The following GSDME variants were observed in gnomAD, a reference collection of about 807,000 sequenced individuals.
GSDME encodes gasdermin E, also known as gasdermin-E.
GSDME carries 44 observed loss-of-function variants against 47.5 expected under a neutral mutation model. The observed-to-expected ratio is 0.93, with a 90% CI of 0.73 to 1.19. The LOEUF is 1.19. Among genes scored for constraint, GSDME ranks in the 50% most tolerant of loss-of-function variants. GSDME has a pLI of 0.00. For missense variants in GSDME, 663 were observed against 604.2 expected (o/e 1.10, Z -1.02); for synonymous variants, 258 against 252.8 (o/e 1.02, Z -0.20).
In GSDME at chr7:24,745,445, C is replaced by T. The variant is rs564770835; in HGVS notation, c.212-691G>A. ...TATGATTCTCTCTCTGACCTCTACC[C>T]AGTCATTCAATTCCTCATCATATAA... On this transcript the variant is annotated intron_variant, in intron 2 of 9. Transcript: ENST00000645220. This position sits in a 1 kb window ranked among gnomAD's most constrained non-coding sequence, Gnocchi z 4.4. Among the ~76,000 whole-genome samples the T allele has an allele frequency of 6.6e-6, 1 of 152,328 alleles. No homozygotes were observed. The highest frequency in any genetic ancestry group is 1.9e-4 in the East Asian group (1 of 5,188).
At chr7:24,787,516 T>C in the GSDME span, among the ~76,000 whole-genome samples, 8 of 152,292 alleles carry the variant, frequency 5.3e-5, no homozygotes, top group South Asian at 1.7e-3. This position sits in a 1 kb window ranked among gnomAD's most constrained non-coding sequence, Gnocchi z 5.0. Flanking sequence ...GTGTGTAACT[T>C]ACCACCAGGA....
chr7:24,731,592 T>A (rs937150562), intron 3 of GSDME, among the ~76,000 whole-genome samples: 1 of 152,242 alleles, frequency 6.6e-6, no homozygotes, highest in Non-Finnish European at 1.5e-5. Context: ...CCCCGGGAGC[T>A]CTGGCGCTTG....
Position 24,735,968 on chromosome 7 carries a change from G to A in GSDME, c.404+8594C>T, listed in dbSNP as rs574768548. ...AAGTTGTTATCAGCTTAAAATAATG[G>A]GTTACAATAATGGGATGGTATTTGC... is the stretch of plus-strand genomic sequence containing the variant. On this transcript the variant is annotated intron_variant, in intron 3 of 9. Coordinates refer to ENST00000645220, the MANE Select transcript of GSDME (RefSeq NM_001127453.2). The surrounding 1 kb of genome is among the most constrained non-coding windows in gnomAD (Gnocchi z 4.4). Among the ~76,000 whole-genome samples, 2 of 151,850 alleles carry A rather than the reference G, an allele frequency of 1.3e-5. No individual in the cohort carries two copies. The highest frequency in any genetic ancestry group is 6.6e-5 in the Admixed American group (1 of 15,252).
chr7:24,755,600 T>C (rs887215875), intron 1 of GSDME, among the ~76,000 whole-genome samples: 1 of 152,208 alleles, frequency 6.6e-6, no homozygotes, highest in Non-Finnish European at 1.5e-5. Flanking sequence ...GAACTGACAG[T>C]GTGTTCCTGG....
the GSDME span, among the ~76,000 whole-genome samples, chr7:24,790,729 G>T: frequency 6.6e-6 from 1 of 152,168 alleles, no homozygotes; most frequent in South Asian, 2.1e-4. This position sits in a 1 kb window ranked among gnomAD's most constrained non-coding sequence, Gnocchi z 4.1. Context: ...GGCTCAGATG[G>T]GTTATAACAC....
the GSDME span, among the ~76,000 whole-genome samples, chr7:24,779,040 G>A: frequency 1.3e-5 from 2 of 152,286 alleles, no homozygotes; most frequent in South Asian, 2.1e-4. This position sits in a 1 kb window ranked among gnomAD's most constrained non-coding sequence, Gnocchi z 6.0. Context: ...TCAGCTGAGT[G>A]GACTGGAGCT....
intron 1 of GSDME, among the ~76,000 whole-genome samples, chr7:24,751,251 A>C (rs992232941): frequency 2.0e-5 from 3 of 152,150 alleles, no homozygotes; most frequent in Non-Finnish European, 4.4e-5. Flanking sequence ...CCCAATATAT[A>C]TATACACGCA....
the GSDME span, among the ~76,000 whole-genome samples, chr7:24,792,043 C>T: frequency 1.3e-5 from 2 of 152,184 alleles, no homozygotes; most frequent in African/African-American, 2.4e-5. Context: ...CATGCCTGGT[C>T]GACTGGAGGA....
At chr7:24,765,137 G>A in the GSDME span, among the ~76,000 whole-genome samples, 19,312 of 152,030 alleles carry the variant, frequency 0.13, 1,362 homozygotes, top group East Asian at 0.2. Context: ...GCCTGGCCCC[G>A]GGTAATGCTG....
chr7:24,712,545 C>T lies in GSDME; in HGVS notation c.698-2157G>A, dbSNP rs895394178. Among the ~76,000 whole-genome samples, 1 of 152,196 alleles carries T rather than the reference C, an allele frequency of 6.6e-6. No homozygotes were observed. Among genetic ancestry groups the T allele is most frequent in the East Asian group, 1.9e-4 (1 of 5,200 alleles). On this transcript the variant is annotated intron_variant, in intron 5 of 9. Transcript: ENST00000645220. This position sits in a 1 kb window ranked among gnomAD's most constrained non-coding sequence, Gnocchi z 4.4. ...CTTTAAAATTCCCTATACCAGGCCC[C>T]GTGCTCACAGCCACAGATACAAAGG...
chr7:24,711,555 TCA>T (rs770118331), intron 5 of GSDME, among the ~76,000 whole-genome samples: 1 of 152,068 alleles, frequency 6.6e-6, no homozygotes, highest in Non-Finnish European at 1.5e-5. Context: ...GCATGGTGGC[TCA>T]CACCTGTAAT....
At chr7:24,785,517 G>A in the GSDME span, among the ~76,000 whole-genome samples, 1 of 152,144 alleles carries the variant, frequency 6.6e-6, no homozygotes, top group East Asian at 1.9e-4. Context: ...GTGCAGTGGC[G>A]CGATCTCAGC....
the GSDME span, among the ~76,000 whole-genome samples, chr7:24,792,999 C>T: frequency 2.6e-5 from 4 of 152,044 alleles, no homozygotes; most frequent in African/African-American, 9.7e-5. Context: ...TTTATAGTAC[C>T]TTGGTGCCTT....
At chr7:24,743,531 T>C (rs1016549914) in intron 3 of GSDME, among the ~76,000 whole-genome samples, 3 of 152,170 alleles carry the variant, frequency 2.0e-5, no homozygotes, top group Non-Finnish European at 4.4e-5. Flanking sequence ...TTCTAAAAAA[T>C]ACATCAGATT....
intron 8 of GSDME, 192 bp from the exon 9 acceptor site, chr7:24,703,025 A>G: frequency 1.9e-6 from 1 of 540,170 alleles, no homozygotes; most frequent in Non-Finnish European, 3.5e-6. Flanking sequence ...AAACAGATGT[A>G]GGAACCCAGC....
At chr7:24,753,834 TAATA>T (rs1314067197) in intron 1 of GSDME, among the ~76,000 whole-genome samples, 1 of 152,238 alleles carries the variant, frequency 6.6e-6, no homozygotes, top group Non-Finnish European at 1.5e-5. Flanking sequence ...ATGTTTGATA[TAATA>T]AATCTACCAA....
chr7:24,712,343 G>C lies in GSDME; in HGVS notation c.698-1955C>G, dbSNP rs1273853022. The stretch of plus-strand genomic sequence containing the variant: ...TCAAATTCTGCCAGAAGCCCTGCCA[G>C]GTCCCCAAAATAATGTGGAACCAAC... On this transcript the variant is annotated intron_variant, in intron 5 of 9. Coordinates refer to ENST00000645220, the MANE Select transcript of GSDME (RefSeq NM_001127453.2). This position sits in a 1 kb window ranked among gnomAD's most constrained non-coding sequence, Gnocchi z 4.4. 6.6e-6 allele frequency among the ~76,000 whole-genome samples: 1 copy of C among 152,108 alleles called. No individual in the cohort carries two copies. Among genetic ancestry groups the C allele is most frequent in the Non-Finnish European group, 1.5e-5 (1 of 68,018 alleles).
chr7:24,765,164 A>C, the GSDME span, among the ~76,000 whole-genome samples: 1 of 152,332 alleles, frequency 6.6e-6, no homozygotes, highest in African/African-American at 2.4e-5. Context: ...CTCTCTAGGA[A>C]TGATTAGCCT....
At chr7:24,737,562 C>T (rs1562708666) in intron 3 of GSDME, among the ~76,000 whole-genome samples, 1 of 151,914 alleles carries the variant, frequency 6.6e-6, no homozygotes, top group African/African-American at 2.4e-5. Flanking sequence ...TTGAATGTTA[C>T]CAAACATTTA....
Sources: gnomAD v4.1 joint callset for allele counts (sites outside exome capture counted in the v4.1 genomes callset) on GRCh38, gnomAD v4.1.1 for gene constraint, Gnocchi (gnomAD v3.1) non-coding constraint, MANE v1.5 for transcripts, NCBI Gene and HGNC (gene_info 2026-07-23, HGNC 2026-07-21) for gene names.